SCFD1: variants seen among roughly 807,000 people sequenced by gnomAD.
SCFD1 encodes the protein sec1 family domain-containing protein 1.
In SCFD1, 37 loss-of-function variants were observed where a neutral mutation model predicts 103.2. The observed-to-expected ratio is 0.36, with a 90% CI of 0.28 to 0.47. The LOEUF (loss-of-function observed/expected upper bound fraction) is 0.47, where lower values mean the gene tolerates loss of function less well. SCFD1 is among the 20% of genes least tolerant of loss of function. SCFD1 has a pLI of 1.00. For missense variants in SCFD1, 639 were observed against 761.2 expected (o/e 0.84, Z 1.89); for synonymous variants, 264 against 245.0 (o/e 1.08, Z -0.73).
chr14:30,660,992 A>G (rs755933267), intron 10 of SCFD1, among the ~76,000 whole-genome samples: 12 of 152,188 alleles, frequency 7.9e-5, no homozygotes, highest in Non-Finnish European at 1.6e-4. Context: ...AGTAACAAAT[A>G]GTGGATACCA....
At chr14:30,697,176 T>G (rs1400469159) in intron 15 of SCFD1, among the ~76,000 whole-genome samples, 1 of 152,104 alleles carries the variant, frequency 6.6e-6, no homozygotes, top group African/African-American at 2.4e-5. Flanking sequence ...CAGTTTCCAC[T>G]AGGACTCCTT....
intron 14 of SCFD1, among the ~76,000 whole-genome samples, chr14:30,681,015 T>A (rs1381351177): frequency 6.6e-6 from 1 of 152,196 alleles, no homozygotes; most frequent in Non-Finnish European, 1.5e-5. Context: ...GGCAGATCAC[T>A]TCAGGCCAGG....
chr14:30,679,970 A>G (rs58653311), intron 14 of SCFD1, among the ~76,000 whole-genome samples: 5,495 of 152,278 alleles, frequency 0.036, 155 homozygotes, highest in African/African-American at 0.061. Context: ...ATTAGTTACT[A>G]TGAGAATCTG....
chr14:30,646,488 C>G (rs947965319), intron 7 of SCFD1, among the ~76,000 whole-genome samples: 1 of 152,012 alleles, frequency 6.6e-6, no homozygotes, highest in Non-Finnish European at 1.5e-5. Context: ...CATACTTGAT[C>G]GTGGTGGATT....
rs548328649 is a variant in SCFD1, at chr14:30,638,214, G to A, written c.402G>A (p.Ala134=). 5.5e-5 allele frequency: 88 copies of A among 1,612,856 alleles called. No homozygotes were observed. The highest frequency in any genetic ancestry group is 6.7e-5 in the East Asian group (3 of 44,750). ...AACTGGAAGATATTGCAAATGCAGC[G>A]TTAGCAGCTAGTGCAGTAACACAAG... ...RSKLEDIANA[A]LAASAVTQVA... is the part of the protein sequence containing the mutation. Residue 134 remains alanine (A), a synonymous_variant, in exon 5 of 25, where the codon GCG becomes GCA. Transcript: ENST00000458591.
intron 10 of SCFD1, among the ~76,000 whole-genome samples, chr14:30,667,889 A>T (rs967687794): frequency 4.6e-5 from 7 of 152,232 alleles, no homozygotes; most frequent in African/African-American, 1.7e-4. Context: ...ACCACTGCTC[A>T]ACGAAATAAA....
intron 10 of SCFD1, among the ~76,000 whole-genome samples, chr14:30,660,717 AAAGTC>A (rs1156629846): frequency 1.3e-5 from 2 of 152,116 alleles, no homozygotes; most frequent in Non-Finnish European, 2.9e-5. Context: ...GACAATCAAT[AAAGTC>A]ATTTGTTTAA....
intron 19 of SCFD1, among the ~76,000 whole-genome samples, chr14:30,709,639 C>T (rs889288338): frequency 2.6e-5 from 4 of 152,150 alleles, no homozygotes; most frequent in East Asian, 1.9e-4. Flanking sequence ...GTAGTACTGT[C>T]GAGAATCAGC....
At position 30,674,930 on chromosome 14, in the gene SCFD1, C is replaced by T. The variant is rs570864731; in HGVS notation, c.1161-54C>T. 1.0e-5 allele frequency: 11 copies of T among 1,069,690 alleles called. No individual in the cohort carries two copies. In the African/African-American group the frequency reaches 1.6e-4, roughly 16 times the overall value. 66.3% of individuals were successfully genotyped at this position (1,069,690 alleles called of 1,614,324 possible). A position where few individuals can be genotyped will look rare whatever the true frequency, so the allele number is the denominator to read the frequency against. ...GGAAACACCAGGCATGAGATAAAGT[C>T]TATGTCATTTTAGAAAATTTATTGG... is the stretch of plus-strand genomic sequence containing the variant. On this transcript the variant is annotated intron_variant, in intron 13 of 24. Coordinates refer to ENST00000458591, the MANE Select transcript of SCFD1 (RefSeq NM_016106.4).
At chr14:30,693,116 G>C (rs182545525) in intron 14 of SCFD1, among the ~76,000 whole-genome samples, 194 of 152,234 alleles carry the variant, frequency 1.3e-3, no homozygotes, top group African/African-American at 4.4e-3. Context: ...GAATATGAAG[G>C]GCTGGAGAAT....
At chr14:30,727,646 T>C (rs534811631) in intron 23 of SCFD1, among the ~76,000 whole-genome samples, 1 of 152,318 alleles carries the variant, frequency 6.6e-6, no homozygotes, top group Admixed American at 6.5e-5. Context: ...CCTTTCTTTT[T>C]TGCATTATTC....
rs1387104138 is a variant in SCFD1 at position 30,642,342 on chromosome 14, A to G, written c.524-974A>G. ...CTAACCTTAGGTGATCTGCCCCCTC[A>G]GCCTCCCAGAGTGCTGGGATTACAG... On this transcript the variant is annotated intron_variant, in intron 6 of 24. Coordinates refer to ENST00000458591, the MANE Select transcript of SCFD1 (RefSeq NM_016106.4). Among the ~76,000 whole-genome samples, 3 of 152,186 alleles carry G rather than the reference A, an allele frequency of 2.0e-5. No homozygotes were observed. In the South Asian group the frequency reaches 6.2e-4, roughly 31 times the overall value.
At chr14:30,661,918 A>T (rs1280915014) in intron 10 of SCFD1, among the ~76,000 whole-genome samples, 2 of 152,102 alleles carry the variant, frequency 1.3e-5, no homozygotes, top group East Asian at 3.9e-4. Context: ...TAGTCTGTTG[A>T]TTTATCTTAT....
chr14:30,683,191 T>G, intron 14 of SCFD1: 1 of 1,116,606 alleles, frequency 9.0e-7, no homozygotes, highest in Non-Finnish European at 1.3e-6. Context: ...ATGGAGAGTG[T>G]TCTGGATGGA....
chr14:30,701,059 A>G (rs1046474351), intron 16 of SCFD1, among the ~76,000 whole-genome samples: 7 of 152,366 alleles, frequency 4.6e-5, no homozygotes, highest in African/African-American at 1.7e-4. Context: ...AGCAAGAAGC[A>G]TAAGAACCTC....
chr14:30,638,280 T>C (rs766081299), intron 5 of SCFD1, 33 bp downstream of exon 5: 3 of 1,612,264 alleles, frequency 1.9e-6, no homozygotes, highest in Non-Finnish European at 2.5e-6. Flanking sequence ...TGACATTTTG[T>C]CAATGTAAAA....
chr14:30,650,685 A>T lies in SCFD1; in HGVS notation c.755+35A>T, dbSNP rs760034196. 4.1e-6 allele frequency: 5 copies of T among 1,209,758 alleles called. No homozygotes were observed. The South Asian group carries it at 5.3e-5, about 13-fold the overall frequency. 74.9% of individuals were successfully genotyped at this position (1,209,758 alleles called of 1,614,324 possible). A position where few individuals can be genotyped will look rare whatever the true frequency, so the allele number is the denominator to read the frequency against. On this transcript the variant is annotated intron_variant, in intron 9 of 24. Coordinates refer to ENST00000458591, the MANE Select transcript of SCFD1 (RefSeq NM_016106.4). ...TTATTAAATACACTTGTAAGACTTT[A>T]AAATATTTGTAGAGTTTTTTTGTTA...
chr14:30,664,799 T>C (rs1022827451), intron 10 of SCFD1, among the ~76,000 whole-genome samples: 3 of 152,108 alleles, frequency 2.0e-5, no homozygotes, highest in African/African-American at 7.2e-5. Context: ...GTATCAATGA[T>C]TGAAGATCAA....
At chr14:30,622,312 G>A, upstream of SCFD1, 2 of 1,593,322 alleles carry the variant, frequency 1.3e-6, no homozygotes, top group Non-Finnish European at 1.7e-6. Flanking sequence ...CCGCTCCCCA[G>A]CCGGGCAGTG....
Sources: gnomAD v4.1 joint callset for allele counts (sites outside exome capture counted in the v4.1 genomes callset) on GRCh38, gnomAD v4.1.1 for gene constraint, MANE v1.5 for transcripts, NCBI Gene and HGNC (gene_info 2026-07-23, HGNC 2026-07-21) for gene names.